SLC6A12: variants seen among roughly 807,000 people sequenced by gnomAD.
The protein encoded by SLC6A12 is sodium- and chloride-dependent betaine transporter.
In SLC6A12, 50 loss-of-function variants were observed where a neutral mutation model predicts 73.3. That is an observed-to-expected ratio of 0.68 (90% confidence interval 0.54 to 0.86). The LOEUF (loss-of-function observed/expected upper bound fraction) is 0.86, where lower values mean the gene tolerates loss of function less well. Among genes scored for constraint, SLC6A12 ranks in the 40% least tolerant of loss-of-function variants. The pLI is 0.00. For missense variants in SLC6A12, 648 were observed against 772.8 expected, an observed-to-expected ratio of 0.84 and a Z score of 1.92; for synonymous variants, 304 against 309.2, an observed-to-expected ratio of 0.98 and a Z score of 0.18.
downstream of SLC6A12, among the ~76,000 whole-genome samples, chr12:187,589 C>CAACAAAAAAAAAA (rs1939453773): frequency 9.4e-6 from 1 of 106,074 alleles, no homozygotes; most frequent in African/African-American, 5.3e-5. Flanking sequence ...TGCAAAAGAG[C>CAACAAAAAAAAAA]AAAAAAAAAA....
At chr12:186,021 G>A (rs145448992), downstream of SLC6A12, among the ~76,000 whole-genome samples, 1 of 152,316 alleles carries the variant, frequency 6.6e-6, no homozygotes, top group Non-Finnish European at 1.5e-5. Flanking sequence ...GACAGACACA[G>A]CCAGTCTTCA....
In SLC6A12 at chr12:200,731, A is replaced by C; in HGVS notation, c.631T>G (p.Trp211Gly). The stretch of plus-strand genomic sequence containing the variant: ...AGCAGGAGGCACAGGGCCAGCTCCC[A>C]GCGCAGGGAGCCCAGGTCATGGATG... ...SGIHDLGSLR[W>G]ELALCLLLAW... Residue 211 changes from tryptophan to glycine, a missense_variant, in exon 7 of 16, where the codon TGG becomes GGG. Transcript: ENST00000684302. 1 of 1,613,944 alleles carries C rather than the reference A, an allele frequency of 6.2e-7. No individual in the cohort carries two copies. The highest frequency in any genetic ancestry group is 1.1e-5 in the South Asian group (1 of 91,070).
At position 192,477 on chromosome 12, in the gene SLC6A12, C is replaced by T; in HGVS notation, c.1701+1G>A. On this transcript the variant is annotated splice_donor_variant, in intron 15 of 15. Transcript: ENST00000684302. LOFTEE classifies it high-confidence loss of function. ...AGGTCACTCTCCCCTACACCACCTA[C>T]CTTCCTGAAAGGACCCCGAGTCTTC... The T allele has an allele frequency of 1.2e-6, 2 of 1,613,902 alleles. No homozygotes were observed. Among genetic ancestry groups the T allele is most frequent in the Non-Finnish European group, 1.7e-6 (2 of 1,179,874 alleles).
intron 10 of SLC6A12, among the ~76,000 whole-genome samples, chr12:197,110 C>T (rs201462631): frequency 0.025 from 1,182 of 47,006 alleles, no homozygotes; most frequent in African/African-American, 0.083. Flanking sequence ...TCCATCCATC[C>T]ATCCATCCAT....
At position 210,262 on chromosome 12, in the gene SLC6A12, A is replaced by G. The variant is rs568952748; in HGVS notation, c.-57-219T>C. ...CAGGCCTTGGCAGATGAAGTGATTC[A>G]CCCAAGACCACTCAGGAGTGGAACC... On this transcript the variant is annotated intron_variant, in intron 2 of 15. Transcript: ENST00000684302. 1,441 of 1,143,212 alleles carry G rather than the reference A, an allele frequency of 1.3e-3. 4 individuals are homozygous for G. Among genetic ancestry groups the G allele is most frequent in the Middle Eastern group, 1.6e-3 (5 of 3,034 alleles). 70.8% of individuals were successfully genotyped at this position (1,143,212 alleles called of 1,614,324 possible).
At chr12:185,418 A>G (rs1939412808), downstream of SLC6A12, among the ~76,000 whole-genome samples, 1 of 152,224 alleles carries the variant, frequency 6.6e-6, no homozygotes. Context: ...GCCCACTTCG[A>G]GTCCCTCATG....
downstream of SLC6A12, among the ~76,000 whole-genome samples, chr12:187,300 T>C (rs1245050940): frequency 2.0e-5 from 3 of 152,108 alleles, no homozygotes; most frequent in African/African-American, 7.2e-5. Context: ...GTTACAGTTC[T>C]TAAAGGCGGC....
At position 191,166 on chromosome 12, in the gene SLC6A12, TG is replaced by T; in HGVS notation, c.1746del (p.Lys583SerfsTer23). ...CTGCCATCCAAGCAGGGATGTTGCT[TG>T]GGCTGTGGCAGACTGGAGTCAGGGG... ...LITPDSSLPQ[P>X]KQHPCLDGSA... On this transcript the variant is annotated frameshift_variant, in exon 16 of 16. Transcript: ENST00000684302. LOFTEE classifies it low-confidence loss of function (END_TRUNC). The T allele has an allele frequency of 7.7e-7, 1 of 1,306,866 alleles. No homozygotes were observed. The highest frequency in any genetic ancestry group is 2.8e-5 in the South Asian group (1 of 35,272). The allele number at this position is 1,306,866 out of a possible 1,614,324, so 81.0% of individuals were successfully genotyped here. A position where few individuals can be genotyped will look rare whatever the true frequency, so the allele number is the denominator to read the frequency against.
rs760980308 is a variant in SLC6A12, at chr12:190,681, G to C, written c.*387C>G. ...CTCTCCACATTGGACGGCAGTGTGC[G>C]TTCCAATTATAGCTCCTCTCCCCGT... On this transcript the variant is annotated 3_prime_UTR_variant, in exon 16 of 16. Transcript: ENST00000684302. 6.3e-6 allele frequency: 1 copy of C among 158,260 alleles called. No homozygotes were observed. The highest frequency in any genetic ancestry group is 2.4e-5 in the African/African-American group (1 of 41,724). The allele number at this position is 158,260 out of a possible 1,614,324, so 9.8% of individuals were successfully genotyped here.
Position 190,952 on chromosome 12 carries a change from C to T in SLC6A12, c.*116G>A. ...CCAGCTGGGGGTGCCTGTGGCTCTC[C>T]AGAGGTTCCCAGCAGGATTGTGGCA... On this transcript the variant is annotated 3_prime_UTR_variant, in exon 16 of 16. Coordinates refer to ENST00000684302, the MANE Select transcript of SLC6A12 (RefSeq NM_001122848.3). 1 of 961,878 alleles carries T rather than the reference C, an allele frequency of 1.0e-6. No homozygotes were observed. The highest frequency in any genetic ancestry group is 1.4e-6 in the Non-Finnish European group (1 of 738,010). The allele number at this position is 961,878 out of a possible 1,614,324, so 59.6% of individuals were successfully genotyped here. A position where few individuals can be genotyped will look rare whatever the true frequency, so the allele number is the denominator to read the frequency against.
chr12:191,000 C>T lies in SLC6A12; in HGVS notation c.*68G>A, dbSNP rs80064579. On this transcript the variant is annotated 3_prime_UTR_variant, in exon 16 of 16. Coordinates refer to ENST00000684302, the MANE Select transcript of SLC6A12 (RefSeq NM_001122848.3). ...GCAGGAGACAGAGGCAGAGGCTGTCCGCTGAGAATGGAGGGTGGCCCTGAC... is the reference window on the plus strand; with the variant it reads ...GCAGGAGACAGAGGCAGAGGCTGTCTGCTGAGAATGGAGGGTGGCCCTGAC... 35,180 of 1,219,176 alleles carry T rather than the reference C, an allele frequency of 0.029. 586 individuals are homozygous for T. Among genetic ancestry groups the T allele is most frequent in the African/African-American group, 0.05 (3,212 of 64,314 alleles). The allele number at this position is 1,219,176 out of a possible 1,614,324, so 75.5% of individuals were successfully genotyped here. A position where few individuals can be genotyped will look rare whatever the true frequency, so the allele number is the denominator to read the frequency against.
intron 2 of SLC6A12, among the ~76,000 whole-genome samples, chr12:210,979 TTC>T (rs1940882728): frequency 6.6e-6 from 1 of 152,216 alleles, no homozygotes; most frequent in Admixed American, 6.5e-5. Context: ...ACAAATCCGC[TTC>T]TGTCAGGGTG....
chr12:186,982 C>T (rs11061833), downstream of SLC6A12, among the ~76,000 whole-genome samples: 5 of 152,330 alleles, frequency 3.3e-5, no homozygotes, highest in East Asian at 9.6e-4. Context: ...GTTCCCTCCC[C>T]TGCCCAAAGT....
chr12:201,109 C>G (rs1591793408), intron 6 of SLC6A12: 1 of 267,796 alleles, frequency 3.7e-6, no homozygotes. Context: ...GCATGGGTAT[C>G]CCGTGCAGGG....
chr12:199,258 C>T (rs1394415289), intron 7 of SLC6A12, among the ~76,000 whole-genome samples: 2 of 152,232 alleles, frequency 1.3e-5, no homozygotes, highest in African/African-American at 2.4e-5. Flanking sequence ...TACGTATGTG[C>T]ATAATCTGTA....
intron 1 of SLC6A12, among the ~76,000 whole-genome samples, chr12:212,986 G>T (rs760597312): frequency 6.6e-6 from 1 of 152,186 alleles, no homozygotes; most frequent in Admixed American, 6.5e-5. Context: ...GCTGCCCAGA[G>T]AGCAAATCTT....
intron 4 of SLC6A12, 24 bp downstream of exon 4, chr12:204,537 AAGG>A: frequency 1.2e-6 from 2 of 1,612,034 alleles, no homozygotes; most frequent in Middle Eastern, 1.7e-4. Context: ...CGGCCCCATG[AAGG>A]GGAAGGTGGG....
At chr12:205,535 C>T (rs116647222) in intron 3 of SLC6A12, among the ~76,000 whole-genome samples, 1,620 of 152,246 alleles carry the variant, frequency 0.011, 26 homozygotes, top group African/African-American at 0.031. Flanking sequence ...GCTTTAAAGA[C>T]GGAAAAACCG....
rs1356004385 is a variant in SLC6A12 at position 202,811 on chromosome 12, G to C, written c.419C>G (p.Ala140Gly). ...GAAGGAGCTGAACAGGTAGAAGAGA[G>C]CCCAGGCAAGGATGATGATGTAGTA... Reference protein sequence around the residue: ...NVYYIIILAWALFYLFSSFTS... With the variant: ...NVYYIIILAWGLFYLFSSFTS... The change falls in exon 5 of 16, where the codon GCT becomes GGT. Residue 140 changes from alanine to glycine, a missense_variant. Transcript: ENST00000684302. 1.9e-6 allele frequency: 3 copies of C among 1,613,892 alleles called. No homozygotes were observed. The Admixed American group carries it at 5.0e-5, about 27-fold the overall frequency.
Sources: gnomAD v4.1 joint callset for allele counts (sites outside exome capture counted in the v4.1 genomes callset) on GRCh38, gnomAD v4.1.1 for gene constraint, MANE v1.5 for transcripts, NCBI Gene and HGNC (gene_info 2026-07-23, HGNC 2026-07-21) for gene names.